NR3C2: variants seen among roughly 807,000 people sequenced by gnomAD.
The protein encoded by NR3C2 is nuclear receptor subfamily 3 group C member 2, also known as mineralocorticoid receptor.
In NR3C2, 15 loss-of-function variants were observed where a neutral mutation model predicts 86.4. The observed-to-expected ratio is 0.17, with a 90% confidence interval of 0.12 to 0.27. NR3C2 has a LOEUF of 0.27. NR3C2 is among the 10% of genes least tolerant of loss of function. The pLI, the probability that NR3C2 is intolerant of heterozygous loss-of-function variation, is 1.00. For synonymous variants in NR3C2, 458 were observed against 450.5 expected (o/e 1.02, Z -0.21); for missense variants, 960 against 1,195.6 (o/e 0.80, Z 2.91).
At position 148,191,961 on chromosome 4, in the gene NR3C2, A is replaced by G. The variant is rs1392737200; in HGVS notation, c.2014+2785T>C. ...TGGTCCCTCCCTGATTAGCTGAATAACTAACCTCTTGAATTCTTTTTGAGA... is the reference window on the plus strand; with the variant it reads ...TGGTCCCTCCCTGATTAGCTGAATAGCTAACCTCTTGAATTCTTTTTGAGA... On this transcript the variant is annotated intron_variant, in intron 4 of 8. Transcript: ENST00000358102. 2.6e-5 allele frequency among the ~76,000 whole-genome samples: 4 copies of G among 152,280 alleles called. No homozygotes were observed. The East Asian group carries it at 5.8e-4, about 22-fold the overall frequency.
intron 8 of NR3C2, among the ~76,000 whole-genome samples, chr4:148,082,602 C>CAGG: frequency 6.6e-6 from 1 of 151,750 alleles, no homozygotes; most frequent in South Asian, 2.1e-4. Flanking sequence ...CCTATGCCAC[C>CAGG]AGGGCCCTGG....
intron 4 of NR3C2, among the ~76,000 whole-genome samples, chr4:148,174,867 G>A (rs376693967): frequency 6.6e-6 from 1 of 152,056 alleles, no homozygotes; most frequent in African/African-American, 2.4e-5. Flanking sequence ...CAACGATATC[G>A]GACCTACCTT....
rs141392654 is a variant in NR3C2 at position 148,083,585 on chromosome 4, C to T, written c.2800-2086G>A. 6.8e-4 allele frequency among the ~76,000 whole-genome samples: 104 copies of T among 152,256 alleles called. 1 individual carries two copies. Among genetic ancestry groups the T allele is most frequent in the African/African-American group, 2.3e-3 (97 of 41,556 alleles). ...TAAATCCATGAAGATGGGGAGAAAC[C>T]AGTGCAAAAAAGCCTGAAAATTCGA... On this transcript the variant is annotated intron_variant, in intron 8 of 8. Coordinates refer to ENST00000358102, the MANE Select transcript of NR3C2 (RefSeq NM_000901.5).
chr4:148,445,165 G>T (rs1188325448), upstream of NR3C2, among the ~76,000 whole-genome samples: 1 of 152,012 alleles, frequency 6.6e-6, no homozygotes, highest in Non-Finnish European at 1.5e-5. Flanking sequence ...ACCCCCTTCA[G>T]CCCTGCCCGC....
chr4:148,189,434 G>C (rs1025711582), intron 4 of NR3C2, among the ~76,000 whole-genome samples: 5 of 152,090 alleles, frequency 3.3e-5, no homozygotes, highest in Non-Finnish European at 1.5e-5. Context: ...TGTTGGATTC[G>C]GTTAGCTAGT....
Position 148,114,048 on chromosome 4 carries a change from AGT to A in NR3C2, c.2799+54_2799+55del. ...TCAGTCTCTGTTTCCTTTGGTCAGC[AGT>A]GTGTATGTGGTTGCTGATCCTTCAC... On this transcript the variant is annotated intron_variant, in intron 8 of 8. Coordinates refer to ENST00000358102, the MANE Select transcript of NR3C2 (RefSeq NM_000901.5). 7 of 1,599,146 alleles carry A rather than the reference AGT, an allele frequency of 4.4e-6. No homozygotes were observed. The Admixed American group carries it at 1.2e-4, about 27-fold the overall frequency.
intron 2 of NR3C2, among the ~76,000 whole-genome samples, chr4:148,411,699 C>A (rs1211089693): frequency 6.6e-6 from 1 of 152,218 alleles, no homozygotes; most frequent in African/African-American, 2.4e-5. Context: ...CATCTTCAGA[C>A]AATGTCACAT....
intron 6 of NR3C2, among the ~76,000 whole-genome samples, chr4:148,147,783 T>A (rs1409276583): frequency 6.6e-6 from 1 of 152,188 alleles, no homozygotes; most frequent in Non-Finnish European, 1.5e-5. Context: ...GCACGGGTAA[T>A]GGCTCAGCGA....
chr4:148,288,077 T>C (rs957159751), intron 2 of NR3C2, among the ~76,000 whole-genome samples: 2 of 152,126 alleles, frequency 1.3e-5, no homozygotes, highest in Non-Finnish European at 2.9e-5. Flanking sequence ...ACATAGAAAA[T>C]TAAAACCCAG....
At chr4:148,194,942 AC>A in intron 3 of NR3C2, 80 bp from the exon 4 acceptor site, 3 of 1,016,632 alleles carry the variant, frequency 3.0e-6, no homozygotes, top group Non-Finnish European at 1.5e-6. Flanking sequence ...AGAATATAAA[AC>A]TACTTCTTTC....
intron 7 of NR3C2, among the ~76,000 whole-genome samples, chr4:148,117,123 T>A (rs1267667746): frequency 6.6e-6 from 1 of 152,134 alleles, no homozygotes; most frequent in Non-Finnish European, 1.5e-5. Flanking sequence ...TGAGGGGTTG[T>A]AAACACAAGA....
chr4:148,323,412 T>C (rs1387730644), intron 2 of NR3C2, among the ~76,000 whole-genome samples: 1 of 146,674 alleles, frequency 6.8e-6, no homozygotes. Flanking sequence ...TCCACCCAGT[T>C]CGAGCTTCCT....
intron 4 of NR3C2, among the ~76,000 whole-genome samples, chr4:148,187,016 A>G (rs186990027): frequency 2.2e-5 from 2 of 89,380 alleles, no homozygotes; most frequent in Non-Finnish European, 5.1e-5. Context: ...ATATATATAT[A>G]TATATATATA....
At chr4:148,112,300 A>G (rs1014083458) in intron 8 of NR3C2, among the ~76,000 whole-genome samples, 1 of 152,222 alleles carries the variant, frequency 6.6e-6, no homozygotes. Flanking sequence ...TTTCATCTAT[A>G]ATCACATGAA....
intron 2 of NR3C2, among the ~76,000 whole-genome samples, chr4:148,285,579 C>T (rs137973438): frequency 0.2 from 30,868 of 151,798 alleles, 3,297 homozygotes; most frequent in Non-Finnish European, 0.21. Context: ...TGGTGACGTG[C>T]GCCTGTAGTC....
intron 3 of NR3C2, among the ~76,000 whole-genome samples, chr4:148,221,229 C>T (rs1366526356): frequency 2.0e-5 from 3 of 152,174 alleles, no homozygotes; most frequent in Non-Finnish European, 4.4e-5. Context: ...AACTGTAAGC[C>T]TTTATTACTA....
At chr4:148,341,652 C>T (rs962545873) in intron 2 of NR3C2, among the ~76,000 whole-genome samples, 5 of 151,870 alleles carry the variant, frequency 3.3e-5, no homozygotes, top group Non-Finnish European at 7.4e-5. Flanking sequence ...TAATAAATGC[C>T]CCAATTGCCC....
chr4:148,238,372 C>A (rs1579052822), intron 3 of NR3C2, among the ~76,000 whole-genome samples: 1 of 151,482 alleles, frequency 6.6e-6, no homozygotes. Flanking sequence ...GCAACAACAA[C>A]AAAAAAAAGT....
intron 2 of NR3C2, among the ~76,000 whole-genome samples, chr4:148,427,378 A>C (rs1167054289): frequency 6.6e-6 from 1 of 152,016 alleles, no homozygotes; most frequent in Non-Finnish European, 1.5e-5. Flanking sequence ...TTAACAATTT[A>C]GTCCTAAAAT....
Sources: allele counts gnomAD v4.1 joint callset (sites outside exome capture counted in the v4.1 genomes callset), GRCh38; gene constraint gnomAD v4.1.1; transcripts MANE v1.5; gene names NCBI Gene and HGNC (gene_info 2026-07-23, HGNC 2026-07-21).